Variants in SLC24A4 observed in about 807,000 individuals in gnomAD.
The protein encoded by SLC24A4 is sodium/potassium/calcium exchanger 4.
In SLC24A4, 53 loss-of-function variants were observed where a neutral mutation model predicts 79.0. The observed-to-expected ratio is 0.67, with a 90% confidence interval of 0.54 to 0.84. The LOEUF is 0.84. Among genes scored for constraint, SLC24A4 ranks in the 40% least tolerant of loss-of-function variants. The probability of loss-of-function intolerance (pLI) is 0.00; values close to 1 mark genes in which losing one functional copy is unlikely to be tolerated. For synonymous variants in SLC24A4, 323 were observed against 323.8 expected, an observed-to-expected ratio of 1.00 and a Z score of 0.03; for missense variants, 731 against 822.0, an observed-to-expected ratio of 0.89 and a Z score of 1.35.
chr14:92,441,955 G>A lies in SLC24A4; in HGVS notation c.394-134G>A. On this transcript the variant is annotated intron_variant, in intron 4 of 16. Transcript: ENST00000532405. This position sits in a 1 kb window ranked among gnomAD's most constrained non-coding sequence, Gnocchi z 4.6. ...GGGCACACAGCATGTGCCCAGGGGTGAGAGGCTGCAGGCAGACGAGTTTGC... is the reference window on the plus strand; with the variant it reads ...GGGCACACAGCATGTGCCCAGGGGTAAGAGGCTGCAGGCAGACGAGTTTGC... The A allele has an allele frequency of 1.6e-6, 1 of 637,596 alleles. No individual in the cohort carries two copies. The allele number at this position is 637,596 out of a possible 1,614,324, so 39.5% of individuals were successfully genotyped here. A position where few individuals can be genotyped will look rare whatever the true frequency, so the allele number is the denominator to read the frequency against.
chr14:92,380,517 C>T (rs1020291843), intron 2 of SLC24A4, among the ~76,000 whole-genome samples: 14 of 152,192 alleles, frequency 9.2e-5, no homozygotes, highest in Admixed American at 1.3e-4. Flanking sequence ...TGCCTCAGCC[C>T]GCACTAAATG....
chr14:92,376,319 TG>T (rs918771028), intron 2 of SLC24A4, among the ~76,000 whole-genome samples: 12 of 152,232 alleles, frequency 7.9e-5, no homozygotes, highest in African/African-American at 2.4e-4. Flanking sequence ...GCTGTCAGCC[TG>T]GGTCAACTCT....
At chr14:92,446,210 C>T (rs1296438237) in intron 8 of SLC24A4, among the ~76,000 whole-genome samples, 2 of 151,782 alleles carry the variant, frequency 1.3e-5, no homozygotes, top group East Asian at 1.9e-4. Context: ...CTTACTCTGT[C>T]GCCCAGGCTA....
intron 2 of SLC24A4, among the ~76,000 whole-genome samples, chr14:92,399,593 T>G (rs1360435948): frequency 6.6e-6 from 1 of 152,200 alleles, no homozygotes; most frequent in African/African-American, 2.4e-5. Flanking sequence ...GCTTTCTGGT[T>G]ATGGCTGTGA....
At chr14:92,347,892 C>T (rs1056600009) in intron 2 of SLC24A4, among the ~76,000 whole-genome samples, 5 of 152,168 alleles carry the variant, frequency 3.3e-5, no homozygotes, top group African/African-American at 1.2e-4. Flanking sequence ...TGCCACTGCA[C>T]TCCAGCCTGG....
At chr14:92,445,618 T>A (rs1203136312) in intron 8 of SLC24A4, among the ~76,000 whole-genome samples, 1 of 152,182 alleles carries the variant, frequency 6.6e-6, no homozygotes, top group Non-Finnish European at 1.5e-5. Context: ...CAAAGGGATA[T>A]GCATAGGCCA....
intron 2 of SLC24A4, among the ~76,000 whole-genome samples, chr14:92,347,827 T>C (rs1260012637): frequency 6.6e-6 from 1 of 152,108 alleles, no homozygotes; most frequent in Non-Finnish European, 1.5e-5. Context: ...CTCAGGAGGC[T>C]GAGGCAGAGA....
chr14:92,417,224 G>A (rs1021698687), intron 2 of SLC24A4, among the ~76,000 whole-genome samples: 15 of 152,142 alleles, frequency 9.9e-5, no homozygotes, highest in African/African-American at 3.6e-4. Context: ...ATACAGATAG[G>A]GAGCTGAAGA....
At chr14:92,411,390 T>G (rs1293742598) in intron 2 of SLC24A4, among the ~76,000 whole-genome samples, 1 of 152,070 alleles carries the variant, frequency 6.6e-6, no homozygotes, top group Non-Finnish European at 1.5e-5. Flanking sequence ...ATTTTCTCTC[T>G]CTCCCAGTGA....
chr14:92,419,783 G>T (rs1218466823), intron 2 of SLC24A4, among the ~76,000 whole-genome samples: 2 of 152,126 alleles, frequency 1.3e-5, no homozygotes, highest in Admixed American at 6.5e-5. Context: ...ATGAATAAAG[G>T]GTCAATCAAG....
Position 92,441,577 on chromosome 14 carries a change from G to T in SLC24A4, c.394-512G>T, listed in dbSNP as rs1329056799. ...CAGTACCCAAAACCGGCATGGGAGG[G>T]GATGGTCACTAGACTAGTGTGTGCC... On this transcript the variant is annotated intron_variant, in intron 4 of 16. Transcript: ENST00000532405. This position sits in a 1 kb window ranked among gnomAD's most constrained non-coding sequence, Gnocchi z 4.6. Among the ~76,000 whole-genome samples the T allele has an allele frequency of 1.3e-5, 2 of 152,212 alleles. No homozygotes were observed. The highest frequency in any genetic ancestry group is 1.3e-4 in the Admixed American group (2 of 15,284).
chr14:92,374,082 G>C lies in SLC24A4; in HGVS notation c.241+48104G>C, dbSNP rs528528109. On this transcript the variant is annotated intron_variant, in intron 2 of 16. Coordinates refer to ENST00000532405, the MANE Select transcript of SLC24A4 (RefSeq NM_153646.4). ...ATTGCACCCGTTTACCTTGGCAAGG[G>C]AGGCCCCAGCCAAAATGCAGAGAAC... Among the ~76,000 whole-genome samples, 3 of 152,296 alleles carry C rather than the reference G, an allele frequency of 2.0e-5. No homozygotes were observed. In the East Asian group the frequency reaches 5.8e-4, roughly 29 times the overall value.
intron 7 of SLC24A4, among the ~76,000 whole-genome samples, chr14:92,444,048 T>A (rs1371033510): frequency 6.6e-6 from 1 of 151,846 alleles, no homozygotes; most frequent in African/African-American, 2.4e-5. Flanking sequence ...AGTCACCAGG[T>A]GCAGCCCACA....
intron 5 of SLC24A4, among the ~76,000 whole-genome samples, 174 bp from the exon 6 acceptor site, chr14:92,442,539 C>T (rs1892556238): frequency 6.6e-6 from 1 of 152,202 alleles, no homozygotes; most frequent in Admixed American, 6.5e-5. Flanking sequence ...TAGCTGGTCC[C>T]TGGTGGCATT....
Position 92,427,799 on chromosome 14 carries a change from A to G in SLC24A4, c.242-6113A>G, listed in dbSNP as rs1891648765. The stretch of plus-strand genomic sequence containing the variant: ...GTCTGCATGTTTGTATGTCCCCAGC[A>G]TTACATAGAAACCTAATTTCCAAGG... On this transcript the variant is annotated intron_variant, in intron 2 of 16. Transcript: ENST00000532405. 2.0e-5 allele frequency among the ~76,000 whole-genome samples: 3 copies of G among 152,282 alleles called. No homozygotes were observed. The South Asian group carries it at 6.2e-4, about 31-fold the overall frequency.
At chr14:92,332,795 A>T (rs1447497218) in intron 2 of SLC24A4, among the ~76,000 whole-genome samples, 1 of 152,230 alleles carries the variant, frequency 6.6e-6, no homozygotes, top group Admixed American at 6.5e-5. Context: ...CCCAAAGATG[A>T]TATAATGCCT....
In SLC24A4 at chr14:92,496,531, A is replaced by G. The variant is rs1191081216; in HGVS notation, c.*2903A>G. On this transcript the variant is annotated 3_prime_UTR_variant, in exon 17 of 17. Coordinates refer to ENST00000532405, the MANE Select transcript of SLC24A4 (RefSeq NM_153646.4). ...GGAAAATGCCTATAGACACAGGAGCAGGTGGTTCCTGTGGACTTCTGGTTT... is the reference window on the plus strand; with the variant it reads ...GGAAAATGCCTATAGACACAGGAGCGGGTGGTTCCTGTGGACTTCTGGTTT... 1 of 152,134 alleles carries G rather than the reference A, an allele frequency of 6.6e-6. No individual in the cohort carries two copies. The highest frequency in any genetic ancestry group is 2.4e-5 in the African/African-American group (1 of 41,426). The allele number at this position is 152,134 out of a possible 1,614,324, so 9.4% of individuals were successfully genotyped here. A position where few individuals can be genotyped will look rare whatever the true frequency, so the allele number is the denominator to read the frequency against.
At chr14:92,475,859 C>T (rs1278007081) in intron 12 of SLC24A4, among the ~76,000 whole-genome samples, 1 of 152,138 alleles carries the variant, frequency 6.6e-6, no homozygotes, top group Non-Finnish European at 1.5e-5. Flanking sequence ...AAAGAAAATG[C>T]TGGTTGCCCT....
At chr14:92,420,307 C>T (rs1891206292) in intron 2 of SLC24A4, among the ~76,000 whole-genome samples, 1 of 152,118 alleles carries the variant, frequency 6.6e-6, no homozygotes, top group Non-Finnish European at 1.5e-5. Flanking sequence ...TGGTGAAACC[C>T]TGTCTCTACT....
Sources: allele counts gnomAD v4.1 joint callset (sites outside exome capture counted in the v4.1 genomes callset), GRCh38; gene constraint gnomAD v4.1.1; non-coding constraint Gnocchi (gnomAD v3.1); transcripts MANE v1.5; gene names NCBI Gene and HGNC (gene_info 2026-07-23, HGNC 2026-07-21).